NHSL1: variants seen among roughly 807,000 people sequenced by gnomAD.
NHSL1 encodes NHS like 1, also known as NHS-like protein 1.
Under a neutral mutation model 95.0 loss-of-function variants are expected in NHSL1, and 48 were observed. That is an observed-to-expected ratio of 0.51 (90% CI 0.40 to 0.64). The LOEUF is 0.64. Among genes scored for constraint, NHSL1 ranks in the 30% least tolerant of loss-of-function variants. NHSL1 has a pLI of 0.00. For missense variants in NHSL1, 1,971 were observed against 2,077.7 expected (o/e 0.95, Z 1.00); for synonymous variants, 783 against 833.9 (o/e 0.94, Z 1.05).
rs553506137 is a variant in NHSL1 at position 138,558,357 on chromosome 6, C to T, written c.202+13353G>A. On this transcript the variant is annotated intron_variant, in intron 1 of 6. Transcript: ENST00000427025. ...CAGGATGGTTTCGATCTCCTGACCT[C>T]GTGATCCACCTGCGTCAGCCTCCCA... Among the ~76,000 whole-genome samples the T allele has an allele frequency of 5.7e-4, 86 of 151,326 alleles. 2 individuals are homozygous for T. Among genetic ancestry groups the T allele is most frequent in the South Asian group, 3.5e-3 (17 of 4,790 alleles).
At chr6:138,516,105 C>T (rs1380158409) in intron 1 of NHSL1, among the ~76,000 whole-genome samples, 1 of 152,232 alleles carries the variant, frequency 6.6e-6, no homozygotes, top group Non-Finnish European at 1.5e-5. Flanking sequence ...TTTCCATGCT[C>T]CTGCGGCTTC....
At chr6:138,456,752 A>C (rs1236334449) in intron 3 of NHSL1, among the ~76,000 whole-genome samples, 3 of 152,160 alleles carry the variant, frequency 2.0e-5, no homozygotes, top group Non-Finnish European at 4.4e-5. Flanking sequence ...AAATGCAAGA[A>C]CCTCTTTGGC....
rs1412192707 is a variant in NHSL1 at position 138,455,003 on chromosome 6, G to C, written c.340-7810C>G. ...AACAGACCCTGATTATAGAGTAGTGGGATGGAAACAGCAAGAGAAACTGGA... is the reference window on the plus strand; with the variant it reads ...AACAGACCCTGATTATAGAGTAGTGCGATGGAAACAGCAAGAGAAACTGGA... On this transcript the variant is annotated intron_variant, in intron 3 of 7. Coordinates refer to ENST00000343505, the MANE Select transcript of NHSL1 (RefSeq NM_001144060.2). Among the ~76,000 whole-genome samples, 7 of 152,184 alleles carry C rather than the reference G, an allele frequency of 4.6e-5. No individual in the cohort carries two copies. The East Asian group carries it at 1.3e-3, about 29-fold the overall frequency.
In NHSL1 at chr6:138,429,804, T is replaced by G; in HGVS notation, c.3992A>C (p.Glu1331Ala). The change falls in exon 7 of 8, where the codon GAG becomes GCG. Residue 1331 changes from glutamate to alanine, a missense_variant. Coordinates refer to ENST00000343505, the MANE Select transcript of NHSL1 (RefSeq NM_001144060.2). Reference sequence around the variant, plus strand: ...GTCTTCCTTGAGGAAGTCACAGGCCTCTGAGGATGAACCGGCTGCGTTGGT... The same window carrying G: ...GTCTTCCTTGAGGAAGTCACAGGCCGCTGAGGATGAACCGGCTGCGTTGGT... The part of the protein sequence containing the change: ...PETNAAGSSS[E>A]ACDFLKEDGN... 6.4e-7 allele frequency: 1 copy of G among 1,551,700 alleles called. No individual in the cohort carries two copies. The highest frequency in any genetic ancestry group is 1.4e-5 in the African/African-American group (1 of 73,148).
At chr6:138,572,863 A>ATAGAT (rs1312602006), upstream of NHSL1, among the ~76,000 whole-genome samples, 6 of 152,060 alleles carry the variant, frequency 3.9e-5, no homozygotes, top group Non-Finnish European at 5.9e-5. Flanking sequence ...AGATAGATAG[A>ATAGAT]TAGATAGATA....
chr6:138,593,096 A>G (rs955422977), intron 1 of NHSL1, among the ~76,000 whole-genome samples: 2 of 152,232 alleles, frequency 1.3e-5, no homozygotes, highest in African/African-American at 4.8e-5. Context: ...CCACTTCCAC[A>G]CAAACCAGAG....
chr6:138,618,522 C>A (rs1184251535), intron 1 of NHSL1, among the ~76,000 whole-genome samples: 1 of 152,178 alleles, frequency 6.6e-6, no homozygotes, highest in East Asian at 1.9e-4. Context: ...TAGGTCATTG[C>A]AGAAAAGCTA....
chr6:138,673,555 A>T (rs1429812311), intron 1 of NHSL1, among the ~76,000 whole-genome samples: 2 of 152,220 alleles, frequency 1.3e-5, no homozygotes, highest in Non-Finnish European at 2.9e-5. Context: ...CACAAGTCTA[A>T]AGGCTCTCAC....
chr6:138,547,604 C>T (rs1187337959), upstream of NHSL1, among the ~76,000 whole-genome samples: 1 of 152,148 alleles, frequency 6.6e-6, no homozygotes, highest in African/African-American at 2.4e-5. Flanking sequence ...AGGATGGTCT[C>T]GATCTCCTGA....
intron 1 of NHSL1, among the ~76,000 whole-genome samples, chr6:138,520,108 T>TA (rs138382740): frequency 0.012 from 1,750 of 151,996 alleles, 38 homozygotes; most frequent in African/African-American, 0.039. Flanking sequence ...ATAATAACAA[T>TA]AATAACATAA....
At chr6:138,590,885 TTTAG>T in intron 1 of NHSL1, among the ~76,000 whole-genome samples, 1 of 152,318 alleles carries the variant, frequency 6.6e-6, no homozygotes, top group Non-Finnish European at 1.5e-5. Flanking sequence ...GAAGCAAAGC[TTTAG>T]TCTTTTCCTT....
intron 2 of NHSL1, among the ~76,000 whole-genome samples, chr6:138,473,638 T>G (rs1778890957): frequency 6.6e-6 from 1 of 152,172 alleles, no homozygotes; most frequent in Non-Finnish European, 1.5e-5. Flanking sequence ...AAATATTAAT[T>G]AATATTAATA....
intron 1 of NHSL1, among the ~76,000 whole-genome samples, chr6:138,545,301 A>C (rs1782747395): frequency 6.6e-6 from 1 of 151,968 alleles, no homozygotes; most frequent in Admixed American, 6.6e-5. Context: ...ACTGCTGTAA[A>C]CTATTCCTAT....
chr6:138,523,284 GA>G (rs1329944554), intron 1 of NHSL1, among the ~76,000 whole-genome samples: 11 of 152,056 alleles, frequency 7.2e-5, no homozygotes, highest in Admixed American at 5.2e-4. Context: ...GTGAATTAAA[GA>G]GAGTTTTTAA....
chr6:138,480,730 A>T (rs1340800961), intron 2 of NHSL1, among the ~76,000 whole-genome samples: 1 of 152,230 alleles, frequency 6.6e-6, no homozygotes, highest in East Asian at 1.9e-4. Context: ...TCCCAAAGTT[A>T]ATTATAAAAA....
intron 3 of NHSL1, among the ~76,000 whole-genome samples, chr6:138,458,008 A>G (rs913377447): frequency 2.4e-5 from 2 of 84,902 alleles, no homozygotes; most frequent in African/African-American, 1.4e-4. Context: ...ACTCCAACTG[A>G]AAAAAAAAAA....
chr6:138,666,901 C>T (rs2114748876), intron 1 of NHSL1, among the ~76,000 whole-genome samples: 1 of 152,186 alleles, frequency 6.6e-6, no homozygotes, highest in African/African-American at 2.4e-5. Context: ...AATAAGAGTA[C>T]AGACTAAAAA....
intron 1 of NHSL1, among the ~76,000 whole-genome samples, chr6:138,619,054 T>C (rs1372679125): frequency 6.6e-6 from 1 of 152,108 alleles, no homozygotes; most frequent in African/African-American, 2.4e-5. Flanking sequence ...ATGAAAAATG[T>C]TGGCCAGGTG....
chr6:138,666,196 G>A (rs1785291833), intron 1 of NHSL1, among the ~76,000 whole-genome samples: 3 of 152,146 alleles, frequency 2.0e-5, no homozygotes, highest in South Asian at 2.1e-4. Context: ...CCATCTATTC[G>A]GGAGGCTGAG....
Sources: allele counts gnomAD v4.1 joint callset (sites outside exome capture counted in the v4.1 genomes callset), GRCh38; gene constraint gnomAD v4.1.1; transcripts MANE v1.5; gene names NCBI Gene and HGNC (gene_info 2026-07-23, HGNC 2026-07-21).